The following RGL4 variants were observed in gnomAD, a reference collection of about 807,000 sequenced individuals.
RGL4 encodes ral guanine nucleotide dissociation stimulator like 4, also known as ral-GDS-related protein.
RGL4 carries 41 observed loss-of-function variants against 49.6 expected under a neutral mutation model. That is an observed-to-expected ratio of 0.83 (90% CI 0.64 to 1.07). The LOEUF is 1.07. RGL4 is among the 50% of genes least tolerant of loss of function. RGL4 has a pLI of 0.00. For missense variants in RGL4, 610 were observed against 591.9 expected (o/e 1.03, Z -0.32); for synonymous variants, 255 against 238.0 (o/e 1.07, Z -0.66).
At position 23,695,033 on chromosome 22, in the gene RGL4, T is replaced by C; in HGVS notation, c.1086+14T>C. On this transcript the variant is annotated intron_variant, in intron 6 of 10. Transcript: ENST00000290691. Reference sequence around the variant, plus strand: ...CTACTGATCAAGGTACAGTGGAGTCTGGGAGATGCAGGACAAGTGTTTAAG... The same window carrying C: ...CTACTGATCAAGGTACAGTGGAGTCCGGGAGATGCAGGACAAGTGTTTAAG... 2.5e-6 allele frequency: 4 copies of C among 1,591,962 alleles called. No homozygotes were observed. The highest frequency in any genetic ancestry group is 3.4e-6 in the Non-Finnish European group (4 of 1,160,054).
At chr22:23,695,201 G>A (rs967977493) in intron 6 of RGL4, 182 bp downstream of exon 6, 22 of 541,516 alleles carry the variant, frequency 4.1e-5, no homozygotes, top group Non-Finnish European at 6.4e-5. Flanking sequence ...GTGGTGTGTC[G>A]GTCCATGGGC....
chr22:23,696,648 A>ACC lies in RGL4; in HGVS notation c.1125_1126dup (p.Gln376ProfsTer6), dbSNP rs1923516547. ...TTTAAGGTGGCCACCCAGGAGAGGA[A>ACC]CCCCCAGAGAGTCCAGATGAGGCTG... On this transcript the variant is annotated frameshift_variant, in exon 7 of 11. Coordinates refer to ENST00000290691, the MANE Select transcript of RGL4 (RefSeq NM_153615.2). LOFTEE classifies it high-confidence loss of function. The ACC allele has an allele frequency of 6.2e-7, 1 of 1,613,568 alleles. No individual in the cohort carries two copies. The highest frequency in any genetic ancestry group is 1.7e-5 in the Admixed American group (1 of 59,990).
intron 6 of RGL4, 188 bp downstream of exon 6, chr22:23,695,207 T>C (rs979309613): frequency 1.3e-5 from 7 of 532,306 alleles, no homozygotes; most frequent in African/African-American, 1.2e-4. Context: ...TGTCGGTCCA[T>C]GGGCACGTGG....
chr22:23,697,268 G>A, intron 8 of RGL4, 23 bp downstream of exon 8: 3 of 1,596,264 alleles, frequency 1.9e-6, no homozygotes, highest in South Asian at 1.1e-5. Flanking sequence ...GGGGCAGGGT[G>A]CTTGGGAACC....
chr22:23,694,480 A>C, intron 5 of RGL4, 30 bp downstream of exon 5: 1 of 1,492,852 alleles, frequency 6.7e-7, no homozygotes. Flanking sequence ...TGGCAGCATC[A>C]GGGTTGACCT....
intron 6 of RGL4, chr22:23,695,570 G>C (rs545407795): frequency 4.9e-6 from 2 of 408,770 alleles, no homozygotes; most frequent in South Asian, 1.8e-5. Context: ...AGGGAGTCCA[G>C]TAACTGCCCA....
chr22:23,694,093 G>T, intron 4 of RGL4, 119 bp downstream of exon 4: 1 of 913,150 alleles, frequency 1.1e-6, no homozygotes. Context: ...CATCCCCTAG[G>T]CTCTTCTTGC....
chr22:23,692,856 G>A lies in RGL4; in HGVS notation c.561G>A (p.Val187=), dbSNP rs1923229169. The A allele has an allele frequency of 6.2e-6, 10 of 1,613,462 alleles. No individual in the cohort carries two copies. Among genetic ancestry groups the A allele is most frequent in the Non-Finnish European group, 7.6e-6 (9 of 1,179,976 alleles). Residue 187 remains valine, a synonymous_variant, in exon 3 of 11, where the codon GTG becomes GTA. Transcript: ENST00000290691. The part of the protein sequence containing the change: ...APGEGPPPGT[V]LEPQSAPESS... ...GGGAAGGGCCCCCTCCAGGGACAGT[G>A]CTGGAGCCACAGTCAGCCCCAGAGT...
intron 1 of RGL4, 62 bp downstream of exon 1, chr22:23,692,271 G>A: frequency 1.2e-6 from 2 of 1,607,718 alleles, no homozygotes; most frequent in African/African-American, 1.3e-5. Context: ...CCACGCAGGG[G>A]TGCCCTGGAG....
chr22:23,698,484 C>A (rs111786965), intron 10 of RGL4, 151 bp downstream of exon 10: 25 of 908,720 alleles, frequency 2.8e-5, no homozygotes, highest in Non-Finnish European at 4.0e-5. Flanking sequence ...CTTCCTCAGC[C>A]TCCCAAGCAG....
chr22:23,696,796 C>T, intron 7 of RGL4, 108 bp downstream of exon 7: 1 of 955,128 alleles, frequency 1.0e-6, no homozygotes, highest in Non-Finnish European at 1.6e-6. Context: ...TCCTCCCCAG[C>T]CCTGTCCTCC....
In RGL4 at chr22:23,692,095, T is replaced by C; in HGVS notation, c.65T>C (p.Val22Ala). Residue 22 changes from valine (V) to alanine (A), a missense_variant, in exon 1 of 11, where the codon GTG becomes GCG. Transcript: ENST00000290691. ...TTGAGTGCCCAGGTGTACAGTGCTG[T>C]GCTCCAGGGCCTTTGGGAAGAGAAT... is the stretch of plus-strand genomic sequence containing the variant. ...AVLSAQVYSA[V>A]LQGLWEENVC... 1 of 1,614,136 alleles carries C rather than the reference T, an allele frequency of 6.2e-7. No individual in the cohort carries two copies. The highest frequency in any genetic ancestry group is 8.5e-7 in the Non-Finnish European group (1 of 1,180,000).
rs749471834 is a variant in RGL4, at chr22:23,692,040, C to T, written c.10C>T (p.Leu4=). Residue 4 remains leucine (L), a synonymous_variant, in exon 1 of 11, where the codon CTG becomes TTG. Coordinates refer to ENST00000290691, the MANE Select transcript of RGL4 (RefSeq NM_153615.2). ...CAGATCTGGAGCTTTGATGAGGAAGCTGCTCACAAATCTGCCTGCAGCTGC... is the reference window on the plus strand; with the variant it reads ...CAGATCTGGAGCTTTGATGAGGAAGTTGCTCACAAATCTGCCTGCAGCTGC... MRK[L]LTNLPAAAVL... 7.4e-6 allele frequency: 12 copies of T among 1,613,480 alleles called. No individual in the cohort carries two copies. The Admixed American group carries it at 2.0e-4, about 27-fold the overall frequency.
rs1435154442 is a variant in RGL4 at position 23,698,836 on chromosome 22, T to C, written c.1383-8T>C. 3.7e-6 allele frequency: 6 copies of C among 1,610,608 alleles called. No homozygotes were observed. The highest frequency in any genetic ancestry group is 5.1e-6 in the Non-Finnish European group (6 of 1,178,636). ...TGGTGGCCTCACAGCTGCTTCTCTG[T>C]CCTGCAGCTACAAGCTGTCCTGCCA... On this transcript the variant is annotated splice_polypyrimidine_tract_variant and splice_region_variant and intron_variant, in intron 10 of 10. Coordinates refer to ENST00000290691, the MANE Select transcript of RGL4 (RefSeq NM_153615.2).
At chr22:23,695,133 C>T (rs987042140) in intron 6 of RGL4, 114 bp downstream of exon 6, 1 of 789,022 alleles carries the variant, frequency 1.3e-6, no homozygotes, top group Non-Finnish European at 2.1e-6. Context: ...TTTTGACTTA[C>T]CTACTAAAAG....
rs761094320 is a variant in RGL4 at position 23,694,462 on chromosome 22, T to G, written c.1016+12T>G. 6.3e-7 allele frequency: 1 copy of G among 1,580,122 alleles called. No homozygotes were observed. The highest frequency in any genetic ancestry group is 1.7e-5 in the Admixed American group (1 of 59,784). On this transcript the variant is annotated intron_variant, in intron 5 of 10. Transcript: ENST00000290691. ...GCAGGAGTGTCCAGGTGAGGAGGGC[T>G]CTCTCCATGGCAGCATCAGGGTTGA...
chr22:23,694,233 G>A, intron 4 of RGL4, 114 bp from the exon 5 acceptor site: 2 of 892,888 alleles, frequency 2.2e-6, no homozygotes, highest in South Asian at 2.8e-5. Flanking sequence ...CTGCCCTCCT[G>A]AGGCTCCCCA....
At chr22:23,693,155 T>C in intron 3 of RGL4, 164 bp downstream of exon 3, 1 of 1,260,254 alleles carries the variant, frequency 7.9e-7, no homozygotes, top group Non-Finnish European at 1.1e-6. Flanking sequence ...TGTCTGCATG[T>C]GGACGGCAGA....
rs780778768 is a variant in RGL4 at position 23,692,180 on chromosome 22, C to T, written c.150C>T (p.Cys50=). The change falls in exon 1 of 11, where the codon TGC becomes TGT. Residue 50 remains cysteine, a synonymous_variant. Coordinates refer to ENST00000290691, the MANE Select transcript of RGL4 (RefSeq NM_153615.2). ...VCTALLYGQV[C]PFQDSTDGLR... Reference sequence around the variant, plus strand: ...CAGCCCTGCTGTATGGCCAGGTCTGCCCCTTCCAGGACAGCACTGATGGCT... The same window carrying T: ...CAGCCCTGCTGTATGGCCAGGTCTGTCCCTTCCAGGACAGCACTGATGGCT... The T allele has an allele frequency of 6.2e-7, 1 of 1,614,180 alleles. No individual in the cohort carries two copies.
Sources: gnomAD v4.1 joint callset for allele counts on GRCh38, gnomAD v4.1.1 for gene constraint, MANE v1.5 for transcripts, NCBI Gene and HGNC (gene_info 2026-07-23, HGNC 2026-07-21) for gene names.